The following CAST variants were observed in gnomAD, a reference collection of about 807,000 sequenced individuals.
CAST encodes MIR583 host.
CAST carries 76 observed loss-of-function variants against 119.6 expected under a neutral mutation model. The ratio of observed to expected loss-of-function variants is 0.64; its 90% confidence interval spans 0.53 to 0.77. The LOEUF is 0.77. CAST is among the 30% of genes least tolerant of loss of function. CAST has a pLI of 0.00. For synonymous variants in CAST, 319 were observed against 331.6 expected, an observed-to-expected ratio of 0.96 and a Z score of 0.41; for missense variants, 953 against 946.5, an observed-to-expected ratio of 1.01 and a Z score of -0.09.
chr5:96,038,446 C>T, the CAST span, among the ~76,000 whole-genome samples: 16 of 151,882 alleles, frequency 1.1e-4, no homozygotes, highest in African/African-American at 1.9e-4. Flanking sequence ...TAGGTATACA[C>T]GTGCCATGGT....
chr5:96,164,134 G>A, the CAST span, among the ~76,000 whole-genome samples: 490 of 152,162 alleles, frequency 3.2e-3, 1 homozygote, highest in Non-Finnish European at 3.8e-3. Flanking sequence ...TGTTCTCTAC[G>A]CTCTCTCTCA....
At chr5:96,500,233 G>A in the CAST span, among the ~76,000 whole-genome samples, 1 of 152,342 alleles carries the variant, frequency 6.6e-6, no homozygotes, top group Admixed American at 6.5e-5. Flanking sequence ...TTGAAAAAGT[G>A]TGCCTATAGA....
At chr5:96,573,188 G>C (rs1746602219) in intron 1 of CAST, among the ~76,000 whole-genome samples, 1 of 152,144 alleles carries the variant, frequency 6.6e-6, no homozygotes, top group Non-Finnish European at 1.5e-5. Flanking sequence ...AACTGGGTAA[G>C]GGCCAGATGG....
At chr5:96,372,778 AC>A in the CAST span, among the ~76,000 whole-genome samples, 3 of 151,850 alleles carry the variant, frequency 2.0e-5, no homozygotes, top group Non-Finnish European at 4.4e-5. Context: ...ATCTTCTGTG[AC>A]CCTCTTTCCT....
At chr5:96,399,103 T>C in the CAST span, 1 of 1,142,218 alleles carries the variant, frequency 8.8e-7, no homozygotes, top group Non-Finnish European at 1.3e-6. Flanking sequence ...TATGCATATC[T>C]GCATGCATCA....
intron 1 of CAST, among the ~76,000 whole-genome samples, chr5:96,556,574 G>A (rs1444923619): frequency 6.6e-6 from 1 of 152,200 alleles, no homozygotes; most frequent in Non-Finnish European, 1.5e-5. Flanking sequence ...ACAAGCCTCG[G>A]TAGCCTATTT....
intron 1 of CAST, among the ~76,000 whole-genome samples, chr5:96,669,821 G>A (rs1749831242): frequency 6.6e-6 from 1 of 152,174 alleles, no homozygotes; most frequent in South Asian, 2.1e-4. Context: ...TCCTATCATG[G>A]TGCCCATAAA....
At chr5:96,277,146 G>A in the CAST span, among the ~76,000 whole-genome samples, 39 of 152,130 alleles carry the variant, frequency 2.6e-4, no homozygotes, top group Middle Eastern at 3.4e-3. Context: ...AGTAAAAATC[G>A]TCTTTGTAGT....
At chr5:96,149,798 G>A in the CAST span, among the ~76,000 whole-genome samples, 60 of 152,318 alleles carry the variant, frequency 3.9e-4, no homozygotes, top group African/African-American at 1.4e-3. Context: ...AGCATTCGCT[G>A]TCTGAGCCTC....
At chr5:96,743,543 A>G in intron 16 of CAST, 1 of 1,520,546 alleles carries the variant, frequency 6.6e-7, no homozygotes, top group Middle Eastern at 2.2e-4. Context: ...CTCTGCTGTC[A>G]CTTCCTGTTC....
At chr5:96,383,437 G>A in the CAST span, among the ~76,000 whole-genome samples, 1 of 151,914 alleles carries the variant, frequency 6.6e-6, no homozygotes, top group Non-Finnish European at 1.5e-5. Context: ...CCCATGCTAA[G>A]CATTTTGATT....
intron 1 of CAST, among the ~76,000 whole-genome samples, chr5:96,618,940 C>T (rs1451124134): frequency 2.0e-5 from 3 of 152,236 alleles, no homozygotes; most frequent in Admixed American, 6.5e-5. Context: ...CGAGTGGGGA[C>T]TTGGAGAACT....
At chr5:96,090,863 T>C in the CAST span, among the ~76,000 whole-genome samples, 1 of 151,740 alleles carries the variant, frequency 6.6e-6, no homozygotes, top group Non-Finnish European at 1.5e-5. Context: ...ATACATCAAC[T>C]TCAGATGCTG....
upstream of CAST, among the ~76,000 whole-genome samples, chr5:96,523,249 G>A (rs1418446560): frequency 6.6e-6 from 1 of 152,218 alleles, no homozygotes; most frequent in Admixed American, 6.5e-5. Flanking sequence ...TGGTCCTAGA[G>A]CCACTGCCAC....
the CAST span, among the ~76,000 whole-genome samples, chr5:96,504,443 G>A: frequency 1.3e-5 from 2 of 151,964 alleles, no homozygotes; most frequent in Non-Finnish European, 2.9e-5. Context: ...TGATCACTGT[G>A]TTTGAGCAAA....
chr5:96,491,446 A>C, the CAST span, among the ~76,000 whole-genome samples: 274 of 129,708 alleles, frequency 2.1e-3, 1 homozygote, highest in Middle Eastern at 0.021. Flanking sequence ...AGCCGAGATC[A>C]CGCCACTGCA....
At chr5:96,704,842 C>G (rs1754613211) in intron 3 of CAST, among the ~76,000 whole-genome samples, 1 of 152,142 alleles carries the variant, frequency 6.6e-6, no homozygotes, top group African/African-American at 2.4e-5. Flanking sequence ...TATGGACGCT[C>G]TTGACTTAAA....
the CAST span, chr5:96,397,254 T>A: frequency 8.1e-6 from 10 of 1,230,160 alleles, no homozygotes; most frequent in African/African-American, 1.5e-5. Flanking sequence ...AGGGCCCTAA[T>A]TAATGATGAA....
chr5:96,018,289 A>G, the CAST span, among the ~76,000 whole-genome samples: 3,591 of 152,280 alleles, frequency 0.024, 132 homozygotes, highest in African/African-American at 0.081. Flanking sequence ...AATACAAACT[A>G]TCAGAAGAAC....
Sources: allele counts gnomAD v4.1 joint callset (sites outside exome capture counted in the v4.1 genomes callset), GRCh38; gene constraint gnomAD v4.1.1; transcripts MANE v1.5; gene names NCBI Gene and HGNC (gene_info 2026-07-23, HGNC 2026-07-21).